CDH8: variants seen among roughly 807,000 people sequenced by gnomAD.
CDH8 encodes cadherin-8.
In CDH8, 17 loss-of-function variants were observed where a neutral mutation model predicts 68.1. The observed-to-expected ratio is 0.25, with a 90% confidence interval of 0.17 to 0.37. The LOEUF is 0.37. CDH8 is among the 10% of genes least tolerant of loss of function. The pLI, the probability that CDH8 is intolerant of heterozygous loss-of-function variation, is 1.00. For synonymous variants in CDH8, 372 were observed against 365.1 expected, an observed-to-expected ratio of 1.02 and a Z score of -0.21; for missense variants, 763 against 999.3, an observed-to-expected ratio of 0.76 and a Z score of 3.19.
intron 1 of CDH8, among the ~76,000 whole-genome samples, chr16:62,023,577 G>T (rs1315496732): frequency 6.6e-6 from 1 of 152,166 alleles, no homozygotes; most frequent in Non-Finnish European, 1.5e-5. Context: ...GGTGATGACA[G>T]GATTCCTGCC....
chr16:61,931,424 C>T (rs770706239), intron 2 of CDH8, among the ~76,000 whole-genome samples: 17 of 152,164 alleles, frequency 1.1e-4, no homozygotes, highest in Non-Finnish European at 2.5e-4. Context: ...GATCCTTCCA[C>T]CTCGGTTTCC....
chr16:61,736,117 AAGG>A (rs1567446504), intron 8 of CDH8, among the ~76,000 whole-genome samples: 1,695 of 144,630 alleles, frequency 0.012, 9 homozygotes, highest in East Asian at 0.024. Flanking sequence ...GAAAGAAAGG[AAGG>A]AAGGAAGGAA....
chr16:61,707,410 A>T (rs897725771), intron 10 of CDH8, among the ~76,000 whole-genome samples: 1 of 152,220 alleles, frequency 6.6e-6, no homozygotes, highest in Non-Finnish European at 1.5e-5. Flanking sequence ...CGTAATCGGA[A>T]GAGCTAACCC....
chr16:61,902,496 A>G (rs1294206489), intron 2 of CDH8, among the ~76,000 whole-genome samples: 1 of 151,646 alleles, frequency 6.6e-6, no homozygotes, highest in African/African-American at 2.4e-5. Flanking sequence ...GCGATGTACT[A>G]CTTCAATGTA....
At chr16:61,713,790 C>G in intron 10 of CDH8, 51 bp downstream of exon 10, 1 of 949,844 alleles carries the variant, frequency 1.1e-6, no homozygotes, top group Non-Finnish European at 1.7e-6. Flanking sequence ...GAAATTGCAT[C>G]CTATTTTCCA....
intron 2 of CDH8, among the ~76,000 whole-genome samples, chr16:61,917,178 G>A (rs755460143): frequency 1.1e-4 from 16 of 151,018 alleles, no homozygotes; most frequent in African/African-American, 3.4e-4. Flanking sequence ...ATGGAATGCC[G>A]CTGTGTTCCT....
chr16:61,678,722 G>A (rs963892833), intron 10 of CDH8, among the ~76,000 whole-genome samples: 1 of 151,952 alleles, frequency 6.6e-6, no homozygotes, highest in African/African-American at 2.4e-5. Context: ...ACTGGCACAT[G>A]TTAATGCCTT....
intron 7 of CDH8, among the ~76,000 whole-genome samples, chr16:61,799,814 A>G (rs1182858799): frequency 1.3e-5 from 2 of 152,206 alleles, no homozygotes; most frequent in Non-Finnish European, 2.9e-5. Flanking sequence ...TGAAATTTTA[A>G]TTGGATATTA....
chr16:61,904,970 A>G (rs1964038846), intron 2 of CDH8, among the ~76,000 whole-genome samples: 1 of 152,242 alleles, frequency 6.6e-6, no homozygotes, highest in Non-Finnish European at 1.5e-5. Context: ...CTGCACATGC[A>G]TGGGATCTAG....
chr16:61,799,131 G>T (rs1356581218), intron 7 of CDH8, among the ~76,000 whole-genome samples: 1 of 152,108 alleles, frequency 6.6e-6, no homozygotes, highest in Non-Finnish European at 1.5e-5. Flanking sequence ...AATGTCCACA[G>T]GTCCACATTG....
At chr16:62,022,348 A>AG (rs1902094908) in intron 1 of CDH8, among the ~76,000 whole-genome samples, 1 of 152,134 alleles carries the variant, frequency 6.6e-6, no homozygotes, top group South Asian at 2.1e-4. Flanking sequence ...GGACAGTGTC[A>AG]GGGTCCCCAT....
chr16:61,967,963 C>T (rs1478057982), intron 2 of CDH8, among the ~76,000 whole-genome samples: 1 of 152,146 alleles, frequency 6.6e-6, no homozygotes, highest in Admixed American at 6.5e-5. Flanking sequence ...CGCCCGCCAC[C>T]ACGCCCAGCT....
At chr16:61,682,924 C>G (rs1964040504) in intron 10 of CDH8, among the ~76,000 whole-genome samples, 1 of 151,866 alleles carries the variant, frequency 6.6e-6, no homozygotes, top group African/African-American at 2.4e-5. Context: ...GTTACAGCAA[C>G]AGAGAACCTA....
intron 2 of CDH8, among the ~76,000 whole-genome samples, chr16:62,015,090 A>C (rs1393819230): frequency 6.6e-6 from 1 of 152,146 alleles, no homozygotes; most frequent in South Asian, 2.1e-4. Context: ...CCAACATCTG[A>C]AAGTTTTTGA....
intron 2 of CDH8, among the ~76,000 whole-genome samples, chr16:61,986,490 G>A (rs1965631703): frequency 6.6e-6 from 1 of 152,116 alleles, no homozygotes; most frequent in African/African-American, 2.4e-5. Flanking sequence ...GGAAATGGCT[G>A]TAAAAGAAAC....
chr16:62,021,243 C>T lies in CDH8; in HGVS notation c.161G>A (p.Arg54Gln), dbSNP rs866885849. 1.2e-6 allele frequency: 2 copies of T among 1,613,860 alleles called. No homozygotes were observed. The highest frequency in any genetic ancestry group is 1.3e-5 in the African/African-American group (1 of 74,906). ...LELNSLGEEQ[R>Q]ILNRSKRGWV... ...GCCTCTTTTGGAGCGGTTCAAAATTCGCTGTTCTTCACCCAGACTGTTTAG... is the reference window on the plus strand; with the variant it reads ...GCCTCTTTTGGAGCGGTTCAAAATTTGCTGTTCTTCACCCAGACTGTTTAG... The change falls in exon 2 of 12, where the codon CGA (arginine) becomes CAA (glutamine). Residue 54 changes from arginine to glutamine, a missense_variant. Around this residue, in one of 2 missense-constraint regions of CDH8, gnomAD observed 366 missense variants for 563.1 expected, o/e 0.65. Transcript: ENST00000577390.
intron 3 of CDH8, among the ~76,000 whole-genome samples, chr16:61,885,831 C>T (rs541526039): frequency 2.0e-5 from 3 of 152,086 alleles, no homozygotes; most frequent in South Asian, 2.1e-4. Context: ...TTTTCAGTCT[C>T]GATCATCTAG....
chr16:61,901,192 T>C lies in CDH8; in HGVS notation c.534A>G (p.Glu178=), dbSNP rs1291641657. The change falls in exon 3 of 12, where the codon GAA becomes GAG. Residue 178 remains glutamate, a synonymous_variant. Coordinates refer to ENST00000577390, the MANE Select transcript of CDH8 (RefSeq NM_001796.5). ...LNGPYHATVP[E]MSILGTSVTN... is the part of the protein sequence containing the mutation. ...AAGCATACATACCCAAAATGGACAT[T>C]TCTGGCACAGTAGCATGATAGGGTC... 5 of 1,613,340 alleles carry C rather than the reference T, an allele frequency of 3.1e-6. No homozygotes were observed. The highest frequency in any genetic ancestry group is 3.3e-5 in the Admixed American group (2 of 59,948).
chr16:61,933,490 A>G (rs957822540), intron 2 of CDH8, among the ~76,000 whole-genome samples: 4 of 152,334 alleles, frequency 2.6e-5, no homozygotes, highest in African/African-American at 9.6e-5. Context: ...TGGAAAAATG[A>G]CTGAAATAAT....
Sources: allele counts gnomAD v4.1 joint callset (sites outside exome capture counted in the v4.1 genomes callset), GRCh38; gene constraint gnomAD v4.1.1; regional missense constraint gnomAD v4.1.1; transcripts MANE v1.5; gene names NCBI Gene and HGNC (gene_info 2026-07-23, HGNC 2026-07-21).